The following ZNF804B variants were observed in gnomAD, a reference collection of about 807,000 sequenced individuals.
ZNF804B encodes the protein zinc finger protein 804B.
ZNF804B carries 80 observed loss-of-function variants against 101.4 expected under a neutral mutation model. That is an observed-to-expected ratio of 0.79 (90% CI 0.66 to 0.95). ZNF804B has a LOEUF of 0.95. ZNF804B is among the 40% of genes least tolerant of loss of function. The probability of loss-of-function intolerance (pLI) is 0.00; values close to 1 mark genes in which losing one functional copy is unlikely to be tolerated. For missense variants in ZNF804B, 1,673 were observed against 1,561.9 expected, an observed-to-expected ratio of 1.07 and a Z score of -1.20; for synonymous variants, 622 against 558.8, an observed-to-expected ratio of 1.11 and a Z score of -1.59.
chr7:88,762,445 G>A (rs1586892101), intron 1 of ZNF804B, among the ~76,000 whole-genome samples: 1 of 152,056 alleles, frequency 6.6e-6, no homozygotes. Flanking sequence ...ACTACCTTCT[G>A]GACCTTAGAC....
chr7:88,763,438 T>C (rs2718305), intron 1 of ZNF804B, among the ~76,000 whole-genome samples: 57,756 of 151,976 alleles, frequency 0.38, 13,694 homozygotes, highest in African/African-American at 0.68. Flanking sequence ...TATTGCATCT[T>C]TCTTCTTTTT....
At chr7:88,881,063 T>A (rs1792022292) in intron 1 of ZNF804B, among the ~76,000 whole-genome samples, 2 of 151,998 alleles carry the variant, frequency 1.3e-5, no homozygotes, top group Admixed American at 6.6e-5. Context: ...CCAAATAGTG[T>A]TTTAAAGATA....
chr7:88,999,871 C>T (rs777779748), intron 1 of ZNF804B, among the ~76,000 whole-genome samples: 6 of 151,866 alleles, frequency 4.0e-5, no homozygotes, highest in Admixed American at 6.6e-5. Context: ...TCAACCTAGC[C>T]TAGTCCCTTT....
At chr7:88,903,588 C>T (rs543649825) in intron 1 of ZNF804B, among the ~76,000 whole-genome samples, 65 of 152,244 alleles carry the variant, frequency 4.3e-4, no homozygotes, top group African/African-American at 1.6e-3. Flanking sequence ...TAAAATCATT[C>T]CCTTTTCTCC....
chr7:88,842,590 C>T (rs1791305145), intron 1 of ZNF804B, among the ~76,000 whole-genome samples: 1 of 152,164 alleles, frequency 6.6e-6, no homozygotes, highest in Non-Finnish European at 1.5e-5. Context: ...AAGGTTGCCA[C>T]CTGATCTGCC....
At chr7:88,857,822 CTTTTTTTTTTTTTTTTT>C (rs55841922) in intron 1 of ZNF804B, among the ~76,000 whole-genome samples, 4 of 81,422 alleles carry the variant, frequency 4.9e-5, no homozygotes, top group Non-Finnish European at 6.6e-5. Context: ...CCTTTCTTTT[CTTTTTTTTTTTTTTTTT>C]TTTTTTTTTT....
intron 1 of ZNF804B, among the ~76,000 whole-genome samples, chr7:89,135,637 G>A (rs780131543): frequency 3.9e-5 from 6 of 151,910 alleles, no homozygotes; most frequent in Admixed American, 2.0e-4. Context: ...TCCATAAAAC[G>A]TGTCCTATCT....
chr7:89,169,901 C>T (rs1017917730), intron 1 of ZNF804B, among the ~76,000 whole-genome samples: 3 of 152,108 alleles, frequency 2.0e-5, no homozygotes, highest in Non-Finnish European at 2.9e-5. Flanking sequence ...GCTCTAGATA[C>T]TATGGTTTAC....
intron 1 of ZNF804B, among the ~76,000 whole-genome samples, chr7:88,979,914 T>TC (rs1793672262): frequency 6.6e-6 from 1 of 151,674 alleles, no homozygotes; most frequent in Non-Finnish European, 1.5e-5. Context: ...CTTTTTTTTT[T>TC]CTTCTTTTTC....
intron 1 of ZNF804B, among the ~76,000 whole-genome samples, chr7:88,793,244 C>G (rs945801410): frequency 6.6e-6 from 1 of 151,976 alleles, no homozygotes; most frequent in Non-Finnish European, 1.5e-5. Context: ...AAGAAGGGAT[C>G]AACTTGAAAT....
At chr7:89,013,446 T>C (rs1159668598) in intron 1 of ZNF804B, among the ~76,000 whole-genome samples, 1 of 152,224 alleles carries the variant, frequency 6.6e-6, no homozygotes, top group East Asian at 1.9e-4. Flanking sequence ...AATCTATTTA[T>C]GTAGAACATA....
intron 2 of ZNF804B, among the ~76,000 whole-genome samples, chr7:89,268,768 C>A (rs1789837895): frequency 6.6e-6 from 1 of 151,926 alleles, no homozygotes; most frequent in South Asian, 2.1e-4. Context: ...GTGAATGCTT[C>A]TTTTCTTTAC....
intron 1 of ZNF804B, among the ~76,000 whole-genome samples, chr7:89,131,289 T>C (rs1025208005): frequency 1.1e-4 from 16 of 152,084 alleles, no homozygotes; most frequent in Non-Finnish European, 2.9e-5. Flanking sequence ...AACATGGATT[T>C]ATATTTAGCA....
chr7:89,038,755 C>T (rs1471344758), intron 1 of ZNF804B, among the ~76,000 whole-genome samples: 1 of 152,008 alleles, frequency 6.6e-6, no homozygotes, highest in East Asian at 1.9e-4. Context: ...AGAAGCATTT[C>T]CCCTATGTTG....
intron 2 of ZNF804B, among the ~76,000 whole-genome samples, chr7:89,236,742 C>T (rs972827002): frequency 6.6e-6 from 1 of 152,030 alleles, no homozygotes; most frequent in Non-Finnish European, 1.5e-5. Flanking sequence ...ATAGATGGTG[C>T]TTTTATATAA....
intron 1 of ZNF804B, among the ~76,000 whole-genome samples, chr7:88,968,007 C>T (rs1454489818): frequency 6.6e-6 from 1 of 151,450 alleles, no homozygotes; most frequent in African/African-American, 2.4e-5. Flanking sequence ...GAATACAGGA[C>T]ACTTTTTTAT....
chr7:89,014,659 C>T (rs1271872775), intron 1 of ZNF804B, among the ~76,000 whole-genome samples: 1 of 152,136 alleles, frequency 6.6e-6, no homozygotes, highest in Admixed American at 6.6e-5. Context: ...TTGTATGTCT[C>T]TGAGAAATGT....
chr7:88,857,970 G>A (rs921728880), intron 1 of ZNF804B, among the ~76,000 whole-genome samples: 1 of 151,420 alleles, frequency 6.6e-6, no homozygotes, highest in Non-Finnish European at 1.5e-5. Context: ...TTACAGGCTT[G>A]TGCCATCATG....
intron 1 of ZNF804B, among the ~76,000 whole-genome samples, chr7:88,850,287 C>G (rs1380091269): frequency 6.6e-6 from 1 of 151,970 alleles, no homozygotes; most frequent in Admixed American, 6.6e-5. Flanking sequence ...GAGCCTGGCT[C>G]TTTTTTGGAG....
Sources: gnomAD v4.1 joint callset for allele counts (sites outside exome capture counted in the v4.1 genomes callset) on GRCh38, gnomAD v4.1.1 for gene constraint, MANE v1.5 for transcripts, NCBI Gene and HGNC (gene_info 2026-07-23, HGNC 2026-07-21) for gene names.